Variants in TRPS1 observed in about 807,000 individuals in gnomAD.
TRPS1 encodes the protein zinc finger transcription factor Trps1.
Under a neutral mutation model 101.2 loss-of-function variants are expected in TRPS1, and 6 were observed. The observed-to-expected ratio is 0.06, with a 90% CI of 0.03 to 0.12. The LOEUF is 0.12. TRPS1 is among the 10% of genes least tolerant of loss of function. TRPS1 has a pLI of 1.00. For missense variants in TRPS1, 1,363 were observed against 1,567.0 expected (o/e 0.87, Z 2.20); for synonymous variants, 578 against 589.8 (o/e 0.98, Z 0.29).
intron 4 of TRPS1, among the ~76,000 whole-genome samples, chr8:115,596,048 T>C (rs934507542): frequency 6.6e-6 from 1 of 151,932 alleles, no homozygotes; most frequent in South Asian, 2.1e-4. Context: ...AAGATAGAGA[T>C]TGAGCAGGAG....
intron 5 of TRPS1, among the ~76,000 whole-genome samples, chr8:115,453,155 G>A (rs564800259): frequency 6.6e-6 from 1 of 152,004 alleles, no homozygotes; most frequent in Non-Finnish European, 1.5e-5. Context: ...AGAGTAGCTG[G>A]GATTACAGAT....
chr8:115,595,133 A>G (rs1322665489), intron 4 of TRPS1, among the ~76,000 whole-genome samples: 1 of 152,024 alleles, frequency 6.6e-6, no homozygotes, highest in East Asian at 1.9e-4. Flanking sequence ...AAACAACTAC[A>G]GATAAATTAT....
At chr8:115,628,103 ATG>A (rs1563655137) in intron 1 of TRPS1, among the ~76,000 whole-genome samples, 1 of 151,842 alleles carries the variant, frequency 6.6e-6, no homozygotes, top group Non-Finnish European at 1.5e-5. Context: ...ATCTCTAAAA[ATG>A]AAGGGAAGTA....
At chr8:115,535,494 A>G (rs1334374224) in intron 5 of TRPS1, among the ~76,000 whole-genome samples, 10 of 148,984 alleles carry the variant, frequency 6.7e-5, no homozygotes, top group Middle Eastern at 3.6e-3. Flanking sequence ...TAGCATATAT[A>G]TAGCATATAT....
intron 5 of TRPS1, among the ~76,000 whole-genome samples, chr8:115,476,382 T>C (rs1814607993): frequency 6.6e-6 from 1 of 152,226 alleles, no homozygotes; most frequent in South Asian, 2.1e-4. Flanking sequence ...TGAACCTGAC[T>C]CATAAGTAAC....
intron 5 of TRPS1, among the ~76,000 whole-genome samples, chr8:115,492,545 G>T (rs1186863142): frequency 6.6e-6 from 1 of 151,706 alleles, no homozygotes; most frequent in African/African-American, 2.4e-5. Context: ...ATAACTCTAT[G>T]GGGTGGGTGC....
At chr8:115,585,651 T>A (rs1817546014) in intron 5 of TRPS1, among the ~76,000 whole-genome samples, 1 of 152,126 alleles carries the variant, frequency 6.6e-6, no homozygotes, top group South Asian at 2.1e-4. Flanking sequence ...TGCAGCTCCA[T>A]GTATATTCAC....
chr8:115,412,042 A>AC lies in TRPS1; in HGVS notation c.*1980_*1981insG, dbSNP rs11401905. ...AATGCGACTACAGAATGCAAAAAAA[A>AC]ATCAGCGTTGCAGATTCCAGCAACA... On this transcript the variant is annotated 3_prime_UTR_variant, in exon 7 of 7. Transcript: ENST00000395715. The AC allele has an allele frequency of 0.84, 127,686 of 152,200 alleles. 53,847 individuals are homozygous for AC. The highest frequency in any genetic ancestry group is 0.92 in the African/African-American group (38,239 of 41,448). 9.4% of individuals were successfully genotyped at this position (152,200 alleles called of 1,614,324 possible). A position where few individuals can be genotyped will look rare whatever the true frequency, so the allele number is the denominator to read the frequency against.
Position 115,587,293 on chromosome 8 carries a change from C to G in TRPS1, c.2408G>C (p.Arg803Pro), listed in dbSNP as rs575384609. 1 of 1,614,184 alleles carries G rather than the reference C, an allele frequency of 6.2e-7. No individual in the cohort carries two copies. Among genetic ancestry groups the G allele is most frequent in the Admixed American group, 1.7e-5 (1 of 60,030 alleles). Residue 803 changes from arginine (R) to proline (P), a missense_variant, in exon 5 of 7, where the codon CGC becomes CCC. Arg to Pro is a moderately radical substitution (Grantham distance 103). This residue lies in a region of TRPS1 where 1,020 missense variants were observed against 1,073.0 expected (regional missense o/e 0.95). Coordinates refer to ENST00000395715, the MANE Select transcript of TRPS1 (RefSeq NM_014112.5). ...VWTESSSDDL[R>P]NVTWRGADIL... ...GTCTGCCCCTCTCCAAGTCACATTG[C>G]GAAGGTCATCACTGGAACTCTCGGT... is the stretch of plus-strand genomic sequence containing the variant.
intron 5 of TRPS1, among the ~76,000 whole-genome samples, chr8:115,523,092 C>T (rs1434804334): frequency 2.0e-5 from 3 of 151,962 alleles, no homozygotes; most frequent in Non-Finnish European, 4.4e-5. Context: ...AAGATTAGAT[C>T]CTGAGTTTAG....
rs1817594005 is a variant in TRPS1 at position 115,587,553 on chromosome 8, A to T, written c.2148T>A (p.Asp716Glu). 1 of 1,614,048 alleles carries T rather than the reference A, an allele frequency of 6.2e-7. No individual in the cohort carries two copies. The highest frequency in any genetic ancestry group is 1.1e-5 in the South Asian group (1 of 91,094). ...KCRQCSFTAADTQSLLEHFNT... is the reference protein window; with the variant it reads ...KCRQCSFTAAETQSLLEHFNT... Reference sequence around the variant, plus strand: ...TGAAGTGCTCCAGTAGTGACTGAGTATCGGCAGCTGTAAAACTGCACTGAC... The same window carrying T: ...TGAAGTGCTCCAGTAGTGACTGAGTTTCGGCAGCTGTAAAACTGCACTGAC... Residue 716 changes from aspartate (D) to glutamate (E), a missense_variant, in exon 5 of 7, where the codon GAT (aspartate) becomes GAA (glutamate). Transcript: ENST00000395715.
At chr8:115,621,116 C>T (rs1818383302) in intron 2 of TRPS1, among the ~76,000 whole-genome samples, 2 of 152,120 alleles carry the variant, frequency 1.3e-5, no homozygotes, top group Admixed American at 6.5e-5. Context: ...TGAGTCAGAA[C>T]TTTAAGAATA....
rs201699015 is a variant in TRPS1, at chr8:115,619,676, G to T, written c.422C>A (p.Pro141Gln). 5.6e-6 allele frequency: 9 copies of T among 1,614,006 alleles called. No individual in the cohort carries two copies. The highest frequency in any genetic ancestry group is 5.9e-6 in the Non-Finnish European group (7 of 1,180,026). Residue 141 changes from proline to glutamine, a missense_variant, in exon 3 of 7, where the codon CCG (proline) becomes CAG (glutamine). Physicochemically the swap from Pro to Gln is moderately conservative, Grantham distance 76. Around this residue, in one of 5 missense-constraint regions of TRPS1, gnomAD observed 1,020 missense variants for 1,073.0 expected, o/e 0.95. Coordinates refer to ENST00000395715, the MANE Select transcript of TRPS1 (RefSeq NM_014112.5). ...AGGVCEPLKS[P>Q]QRAEADDPQD... ...AGGGTCATCTGCCTCTGCTCTTTGC[G>T]GAGACTTCAAGGGCTCACAGACTCC...
chr8:115,622,564 T>A (rs1438142128), intron 2 of TRPS1, among the ~76,000 whole-genome samples: 8 of 152,322 alleles, frequency 5.3e-5, no homozygotes, highest in Admixed American at 5.2e-4. Flanking sequence ...CAGAATTTCC[T>A]GATTGTTAAT....
At chr8:115,441,570 G>T (rs1024159713) in intron 5 of TRPS1, among the ~76,000 whole-genome samples, 1 of 152,008 alleles carries the variant, frequency 6.6e-6, no homozygotes, top group Non-Finnish European at 1.5e-5. Context: ...TCTCCCTTCC[G>T]TCAACCACAG....
At chr8:115,601,709 G>C (rs1817911380) in intron 4 of TRPS1, among the ~76,000 whole-genome samples, 1 of 152,188 alleles carries the variant, frequency 6.6e-6, no homozygotes, top group Non-Finnish European at 1.5e-5. Flanking sequence ...ATTTGGCATG[G>C]AAGCCTAGGT....
intron 5 of TRPS1, among the ~76,000 whole-genome samples, chr8:115,471,016 T>C (rs974515470): frequency 6.6e-6 from 1 of 152,206 alleles, no homozygotes; most frequent in South Asian, 2.1e-4. Context: ...CACGTAAAGA[T>C]GGAGCTGATG....
intron 5 of TRPS1, among the ~76,000 whole-genome samples, chr8:115,497,321 T>C: frequency 6.6e-6 from 1 of 152,338 alleles, no homozygotes; most frequent in Admixed American, 6.5e-5. Flanking sequence ...TAGGGTTTAC[T>C]CTCCTATGCG....
At chr8:115,613,229 G>C (rs949433897) in intron 3 of TRPS1, among the ~76,000 whole-genome samples, 5 of 152,156 alleles carry the variant, frequency 3.3e-5, no homozygotes, top group African/African-American at 1.2e-4. Context: ...AATTCCTGCA[G>C]CAAAAGTACC....
Sources: allele counts gnomAD v4.1 joint callset (sites outside exome capture counted in the v4.1 genomes callset), GRCh38; gene constraint gnomAD v4.1.1; regional missense constraint gnomAD v4.1.1; transcripts MANE v1.5; gene names NCBI Gene and HGNC (gene_info 2026-07-23, HGNC 2026-07-21).